Variants in PRAG1 observed in about 807,000 individuals in gnomAD.
The protein encoded by PRAG1 is inactive tyrosine-protein kinase PRAG1.
A neutral mutation model predicts 95.6 loss-of-function variants in PRAG1; 110 were observed. The ratio of observed to expected loss-of-function variants is 1.15; its 90% confidence interval spans 0.99 to 1.35. The LOEUF is 1.35. Among genes scored for constraint, PRAG1 ranks in the 40% most tolerant of loss-of-function variants. PRAG1 has a pLI of 0.00. For missense variants in PRAG1, 2,554 were observed against 1,864.7 expected (o/e 1.37, Z -6.81); for synonymous variants, 1,052 against 819.4 (o/e 1.28, Z -4.85).
Position 8,378,073 on chromosome 8 carries a change from G to C in PRAG1, c.336C>G (p.Ile112Met), listed in dbSNP as rs925092506. 11 of 1,533,374 alleles carry C rather than the reference G, an allele frequency of 7.2e-6. No homozygotes were observed. The highest frequency in any genetic ancestry group is 9.6e-6 in the Non-Finnish European group (11 of 1,142,758). 95.0% of individuals were successfully genotyped at this position (1,533,374 alleles called of 1,614,324 possible). Residue 112 changes from isoleucine (I) to methionine (M), a missense_variant, in exon 3 of 6, where the codon ATC becomes ATG. Ile to Met is a conservative substitution (Grantham distance 10). Coordinates refer to ENST00000615670, the MANE Select transcript of PRAG1 (RefSeq NM_001080826.3). ...GGAGCTTGCCAGGGGCTCGTCTCCA[G>C]ATGACCTACACACAAGCCCAACGCA... The part of the protein sequence containing the change: ...ANLSAEVSQV[I>M]WRRAPGKLPL...
Position 8,339,505 on chromosome 8 carries a change from A to T in PRAG1, c.2293T>A (p.Ser765Thr), listed in dbSNP as rs1799098429. The T allele has an allele frequency of 6.2e-7, 1 of 1,614,060 alleles. No individual in the cohort carries two copies. Among genetic ancestry groups the T allele is most frequent in the Admixed American group, 1.7e-5 (1 of 59,998 alleles). The change falls in exon 4 of 6, where the codon TCA (serine) becomes ACA (threonine). Residue 765 changes from serine (S) to threonine (T), a missense_variant. Ser to Thr is a moderately conservative substitution (Grantham distance 58, BLOSUM62 1). Coordinates refer to ENST00000615670, the MANE Select transcript of PRAG1 (RefSeq NM_001080826.3). ...CCATCGCTGCAGGTCCTAGAGTCTG[A>T]GGCCAGGCTGTCCGTGGAGCCGGTG... ...FTTGSTDSLA[S>T]DSRTCSDGGP... is the part of the protein sequence containing the mutation.
chr8:8,360,395 T>C, intron 3 of PRAG1, among the ~76,000 whole-genome samples: 1 of 152,214 alleles, frequency 6.6e-6, no homozygotes, highest in Non-Finnish European at 1.5e-5. Flanking sequence ...TCATTCTCTC[T>C]GCATTCCTGA....
At chr8:8,383,980 G>T (rs1800766686) in intron 1 of PRAG1, among the ~76,000 whole-genome samples, 1 of 152,132 alleles carries the variant, frequency 6.6e-6, no homozygotes, top group Non-Finnish European at 1.5e-5. Flanking sequence ...CACCTTCTAG[G>T]CCACAGAAAG....
chr8:8,330,938 C>T (rs1223973269), intron 4 of PRAG1, among the ~76,000 whole-genome samples: 1 of 152,176 alleles, frequency 6.6e-6, no homozygotes, highest in African/African-American at 2.4e-5. Context: ...CACCAAACTC[C>T]CAGCCTGATG....
At position 8,339,355 on chromosome 8, in the gene PRAG1, C is replaced by G. The variant is rs909670821; in HGVS notation, c.2320+123G>C. 4 of 1,052,048 alleles carry G rather than the reference C, an allele frequency of 3.8e-6. No homozygotes were observed. In the African/African-American group the frequency reaches 6.4e-5, roughly 17 times the overall value. The allele number at this position is 1,052,048 out of a possible 1,614,324, so 65.2% of individuals were successfully genotyped here. A position where few individuals can be genotyped will look rare whatever the true frequency, so the allele number is the denominator to read the frequency against. ...AACAGCTCCCTGGAAGAGTCTACTT[C>G]ATTGAGAAAGCAGGACCAAGACAGT... On this transcript the variant is annotated intron_variant, in intron 4 of 5. Coordinates refer to ENST00000615670, the MANE Select transcript of PRAG1 (RefSeq NM_001080826.3).
At chr8:8,385,938 G>C (rs1275754650) in intron 1 of PRAG1, among the ~76,000 whole-genome samples, 1 of 151,992 alleles carries the variant, frequency 6.6e-6, no homozygotes, top group Non-Finnish European at 1.5e-5. Context: ...TCTCCCCCTT[G>C]ACAATACTCT....
At chr8:8,352,013 C>G (rs1466820051) in intron 3 of PRAG1, among the ~76,000 whole-genome samples, 1 of 152,168 alleles carries the variant, frequency 6.6e-6, no homozygotes, top group Non-Finnish European at 1.5e-5. Context: ...TGTTTCTAGA[C>G]TAATGGTTTT....
Position 8,318,670 on chromosome 8 carries a change from G to C in PRAG1, c.3705C>G (p.Ser1235Arg), listed in dbSNP as rs773862657. Residue 1235 changes from serine to arginine, a missense_variant, in exon 6 of 6, where the codon AGC becomes AGG. Coordinates refer to ENST00000615670, the MANE Select transcript of PRAG1 (RefSeq NM_001080826.3). This position sits in a 1 kb window ranked among gnomAD's most constrained non-coding sequence, Gnocchi z 4.2. The part of the protein sequence containing the change: ...GGTPNLQQKK[S>R]QARLAPEIVS... ...CGATCTCGGGGGCCAGCCGGGCCTG[G>C]CTCTTCTTCTGCTGCAGGTTTGGGG... The C allele has an allele frequency of 6.2e-7, 1 of 1,611,550 alleles. No homozygotes were observed. The highest frequency in any genetic ancestry group is 1.1e-5 in the South Asian group (1 of 91,056).
intron 4 of PRAG1, among the ~76,000 whole-genome samples, chr8:8,332,206 G>A (rs572536248): frequency 7.9e-5 from 12 of 151,192 alleles, no homozygotes; most frequent in African/African-American, 2.4e-4. Context: ...TTGTTGCCCA[G>A]GCTGGAGTGT....
Position 8,327,988 on chromosome 8 carries a change from C to A in PRAG1, c.2794G>T (p.Gly932Trp). ...CCGTGCAGCTGAAGCTGGGTGCTCC[C>A]GGTGGAGGCTTGACTGGACACGCTC... ...QLSVSSQAST[G>W]STQLQLHGLL... The change falls in exon 5 of 6, where the codon GGG becomes TGG. Residue 932 changes from glycine (G) to tryptophan (W), a missense_variant. By Grantham distance (184) the Gly-to-Trp change is radical. Transcript: ENST00000615670. The A allele has an allele frequency of 6.3e-7, 1 of 1,596,312 alleles. No homozygotes were observed. The highest frequency in any genetic ancestry group is 8.5e-7 in the Non-Finnish European group (1 of 1,170,012).
Position 8,381,828 on chromosome 8 carries a change from C to G in PRAG1, c.-81G>C. 8.4e-7 allele frequency: 1 copy of G among 1,192,124 alleles called. No homozygotes were observed. Among genetic ancestry groups the G allele is most frequent in the South Asian group, 1.6e-5 (1 of 61,494 alleles). The allele number at this position is 1,192,124 out of a possible 1,614,324, so 73.8% of individuals were successfully genotyped here. ...TGGGATTCAGAGGTGGGTCACAGAG[C>G]GGCTTCCTAGAAAGGCAGGACAGTT... On this transcript the variant is annotated 5_prime_UTR_variant, in exon 2 of 6. Transcript: ENST00000615670.
intron 3 of PRAG1, among the ~76,000 whole-genome samples, chr8:8,344,173 G>A (rs951190994): frequency 6.6e-6 from 1 of 152,104 alleles, no homozygotes; most frequent in Non-Finnish European, 1.5e-5. Flanking sequence ...ACTCTTATAA[G>A]TGGAGAAAGG....
intron 3 of PRAG1, among the ~76,000 whole-genome samples, chr8:8,359,941 C>T (rs754449133): frequency 1.6e-4 from 24 of 152,122 alleles, no homozygotes; most frequent in Non-Finnish European, 4.4e-5. Context: ...ATTTAACTTC[C>T]ATATTTTCTA....
rs1192431545 is a variant in PRAG1, at chr8:8,386,359, G to C, written c.-126C>G. On this transcript the variant is annotated 5_prime_UTR_variant, in exon 1 of 6. Transcript: ENST00000615670. Reference sequence around the variant, plus strand: ...TCCCCCGGCCCCTCCGTCGGTCTCCGAGCCGCCAGCCGCCCGGCCGGAGCA... The same window carrying C: ...TCCCCCGGCCCCTCCGTCGGTCTCCCAGCCGCCAGCCGCCCGGCCGGAGCA... 2 of 152,270 alleles carry C rather than the reference G, an allele frequency of 1.3e-5. No homozygotes were observed. Among genetic ancestry groups the C allele is most frequent in the Non-Finnish European group, 2.9e-5 (2 of 68,138 alleles). The allele number at this position is 152,270 out of a possible 1,614,324, so 9.4% of individuals were successfully genotyped here. A position where few individuals can be genotyped will look rare whatever the true frequency, so the allele number is the denominator to read the frequency against.
chr8:8,320,498 C>G lies in PRAG1; in HGVS notation c.3073-1196G>C, dbSNP rs139290134. On this transcript the variant is annotated intron_variant, in intron 5 of 5. Transcript: ENST00000615670. The stretch of plus-strand genomic sequence containing the variant: ...TGCCACTCAACTAGAGAGTCTTGAA[C>G]CAGCCGTAATGGCCCTCTGTCAGGC... 3.9e-3 allele frequency among the ~76,000 whole-genome samples: 587 copies of G among 152,304 alleles called. 6 individuals carry two copies. The highest frequency in any genetic ancestry group is 0.013 in the African/African-American group (546 of 41,560).
chr8:8,383,588 CA>C (rs940506064), intron 1 of PRAG1, among the ~76,000 whole-genome samples: 1 of 150,276 alleles, frequency 6.7e-6, no homozygotes, highest in Admixed American at 6.6e-5. Flanking sequence ...TCTAAAAAAA[CA>C]AAAAAAAAGT....
At chr8:8,319,362 G>C in intron 5 of PRAG1, 60 bp from the exon 6 acceptor site, 2 of 1,404,318 alleles carry the variant, frequency 1.4e-6, no homozygotes, top group Non-Finnish European at 9.5e-7. Context: ...CCAGCAAAGA[G>C]TGTGGAAACA....
intron 4 of PRAG1, among the ~76,000 whole-genome samples, chr8:8,330,321 G>A (rs1272949108): frequency 1.3e-5 from 2 of 152,196 alleles, no homozygotes; most frequent in African/African-American, 2.4e-5. Context: ...AGCCGAGACT[G>A]TGCCACCGCA....
intron 4 of PRAG1, among the ~76,000 whole-genome samples, chr8:8,328,780 A>G (rs1010736636): frequency 3.6e-4 from 54 of 150,378 alleles, no homozygotes; most frequent in African/African-American, 1.3e-3. Flanking sequence ...GCGTGCGCAC[A>G]CACACACACA....
Sources: gnomAD v4.1 joint callset for allele counts (sites outside exome capture counted in the v4.1 genomes callset) on GRCh38, gnomAD v4.1.1 for gene constraint, Gnocchi (gnomAD v3.1) non-coding constraint, MANE v1.5 for transcripts, NCBI Gene and HGNC (gene_info 2026-07-23, HGNC 2026-07-21) for gene names.